PPP1CC: variants seen among roughly 807,000 people sequenced by gnomAD.
PPP1CC encodes protein phosphatase 1 catalytic subunit gamma.
In PPP1CC, 16 loss-of-function variants were observed where a neutral mutation model predicts 38.4. The observed-to-expected ratio is 0.42, with a 90% confidence interval of 0.28 to 0.63. The LOEUF is 0.63. PPP1CC is among the 30% of genes least tolerant of loss of function. The pLI is 0.25. For missense variants in PPP1CC, 170 were observed against 391.3 expected, an observed-to-expected ratio of 0.43 and a Z score of 4.77; for synonymous variants, 158 against 136.0, an observed-to-expected ratio of 1.16 and a Z score of -1.13.
chr12:110,740,086 T>C (rs1387551590), intron 1 of PPP1CC, among the ~76,000 whole-genome samples: 1 of 152,158 alleles, frequency 6.6e-6, no homozygotes, highest in African/African-American at 2.4e-5. Context: ...CAACATGCTG[T>C]TTTTCTTAAG....
At chr12:110,737,497 A>AAAAAAAAAAAAAAAAAAAG (rs2069959460) in intron 1 of PPP1CC, among the ~76,000 whole-genome samples, 2 of 147,622 alleles carry the variant, frequency 1.4e-5, no homozygotes, top group African/African-American at 5.2e-5. Context: ...AAAAAAAAAA[A>AAAAAAAAAAAAAAAAAAAG]AAAAGAAAAG....
At chr12:110,716,137 T>C (rs1448011264), downstream of PPP1CC, among the ~76,000 whole-genome samples, 1 of 152,212 alleles carries the variant, frequency 6.6e-6, no homozygotes, top group Non-Finnish European at 1.5e-5. Flanking sequence ...TTGATGCCAG[T>C]GCCTTTACAC....
intron 4 of PPP1CC, among the ~76,000 whole-genome samples, chr12:110,723,496 C>T (rs2069762036): frequency 6.6e-6 from 1 of 152,126 alleles, no homozygotes; most frequent in Admixed American, 6.5e-5. Context: ...CAAAGCAAAA[C>T]AGCTTATAAC....
the PPP1CC span, among the ~76,000 whole-genome samples, chr12:110,712,943 T>G: frequency 6.6e-6 from 1 of 151,680 alleles, no homozygotes; most frequent in African/African-American, 2.4e-5. Context: ...CGTGGTGGCA[T>G]ATGCCTATAA....
In PPP1CC at chr12:110,720,458, A is replaced by T. The variant is rs2136536312; in HGVS notation, c.*618T>A. On this transcript the variant is annotated 3_prime_UTR_variant, in exon 7 of 7. Transcript: ENST00000335007. ...AAATATTTAAAAGAATGGCTTTGTC[A>T]TTTTAAGTATACGGTCGGGGAAAAG... 1 of 446,092 alleles carries T rather than the reference A, an allele frequency of 2.2e-6. No homozygotes were observed. The highest frequency in any genetic ancestry group is 3.9e-5 in the East Asian group (1 of 25,846). The allele number at this position is 446,092 out of a possible 1,614,324, so 27.6% of individuals were successfully genotyped here. A position where few individuals can be genotyped will look rare whatever the true frequency, so the allele number is the denominator to read the frequency against.
intron 1 of PPP1CC, among the ~76,000 whole-genome samples, chr12:110,738,713 C>T (rs926977734): frequency 1.5e-4 from 23 of 152,206 alleles, no homozygotes; most frequent in African/African-American, 4.6e-4. Flanking sequence ...TCACATCCCC[C>T]GCAAGCACAA....
downstream of PPP1CC, among the ~76,000 whole-genome samples, chr12:110,717,832 C>T (rs920620402): frequency 6.6e-6 from 1 of 152,208 alleles, no homozygotes; most frequent in Non-Finnish European, 1.5e-5. Context: ...GATTACATGG[C>T]CCTTGTCTCC....
At position 110,730,874 on chromosome 12, in the gene PPP1CC, A is replaced by G; in HGVS notation, c.188-115T>C. On this transcript the variant is annotated intron_variant, in intron 2 of 6. Transcript: ENST00000335007. ...TTGTACAATGGCATTGACCTCTAGT[A>G]ATGAGAGTTTAACTGGGCAGCCAAC... 4.4e-6 allele frequency: 3 copies of G among 680,584 alleles called. No homozygotes were observed. The South Asian group carries it at 6.4e-5, about 14-fold the overall frequency. 42.2% of individuals were successfully genotyped at this position (680,584 alleles called of 1,614,324 possible).
At chr12:110,740,154 A>T (rs1033128485) in intron 1 of PPP1CC, among the ~76,000 whole-genome samples, 23 of 152,246 alleles carry the variant, frequency 1.5e-4, no homozygotes, top group African/African-American at 5.5e-4. Context: ...CAACTAGGTT[A>T]TACTGCTCGC....
chr12:110,732,171 T>C, intron 1 of PPP1CC: 1 of 523,024 alleles, frequency 1.9e-6, no homozygotes. Context: ...GAAACAGGAC[T>C]GCAGGCCAGA....
chr12:110,742,836 C>T lies in PPP1CC; in HGVS notation c.-129G>A, dbSNP rs985953726. On this transcript the variant is annotated 5_prime_UTR_variant, in exon 1 of 7. Transcript: ENST00000335007. ...GTGGCAGCAGCCGCGGCGGGTCCCC[C>T]CCCTGCCACCCCGCTCCCTACTTCC... 8.6e-6 allele frequency: 5 copies of T among 583,396 alleles called. No individual in the cohort carries two copies. Among genetic ancestry groups the T allele is most frequent in the Non-Finnish European group, 1.3e-5 (5 of 379,704 alleles). The allele number at this position is 583,396 out of a possible 1,614,324, so 36.1% of individuals were successfully genotyped here.
chr12:110,709,124 C>T, the PPP1CC span, among the ~76,000 whole-genome samples: 1 of 152,056 alleles, frequency 6.6e-6, no homozygotes, highest in African/African-American at 2.4e-5. Context: ...AATGGCAAAA[C>T]CCCCCACAAA....
At position 110,731,758 on chromosome 12, in the gene PPP1CC, C is replaced by T. The variant is rs752856300; in HGVS notation, c.187+12G>A. 1.2e-6 allele frequency: 2 copies of T among 1,603,542 alleles called. No homozygotes were observed. The highest frequency in any genetic ancestry group is 1.7e-5 in the Admixed American group (1 of 59,684). ...CATGTAACAAAAGATAACCTGTGTG[C>T]CCCAAACTTACCACATATTTTGAGT... is the stretch of plus-strand genomic sequence containing the variant. On this transcript the variant is annotated intron_variant, in intron 2 of 6. Transcript: ENST00000335007.
In PPP1CC at chr12:110,720,415, G is replaced by A. The variant is rs1593570938; in HGVS notation, c.*661C>T. The A allele has an allele frequency of 6.3e-6, 3 of 474,900 alleles. No homozygotes were observed. In the East Asian group the frequency reaches 1.0e-4, roughly 16 times the overall value. The allele number at this position is 474,900 out of a possible 1,614,324, so 29.4% of individuals were successfully genotyped here. A position where few individuals can be genotyped will look rare whatever the true frequency, so the allele number is the denominator to read the frequency against. On this transcript the variant is annotated 3_prime_UTR_variant, in exon 7 of 7. Transcript: ENST00000335007. ...AAAACATAATTCAACAGAAACTTTGGCTTTAGGAAAGAGTCACAAATATTT... is the reference window on the plus strand; with the variant it reads ...AAAACATAATTCAACAGAAACTTTGACTTTAGGAAAGAGTCACAAATATTT...
At chr12:110,715,722 G>A (rs1034700740), downstream of PPP1CC, among the ~76,000 whole-genome samples, 3 of 152,020 alleles carry the variant, frequency 2.0e-5, no homozygotes, top group East Asian at 1.9e-4. Context: ...GGGTTCAAGC[G>A]ATTCTCCTGC....
chr12:110,738,925 A>G (rs909488943), intron 1 of PPP1CC, among the ~76,000 whole-genome samples: 2 of 152,188 alleles, frequency 1.3e-5, no homozygotes, highest in African/African-American at 4.8e-5. Context: ...CAACATACTG[A>G]TGGGAAAGGA....
At chr12:110,712,965 T>C in the PPP1CC span, among the ~76,000 whole-genome samples, 1 of 151,690 alleles carries the variant, frequency 6.6e-6, no homozygotes, top group Non-Finnish European at 1.5e-5. Context: ...CCCAGCTACT[T>C]GGGAGGCTGA....
chr12:110,714,096 C>T, the PPP1CC span, among the ~76,000 whole-genome samples: 2 of 152,196 alleles, frequency 1.3e-5, no homozygotes, highest in Admixed American at 6.5e-5. Flanking sequence ...AAGACTACAA[C>T]TCAAAAACAA....
chr12:110,737,156 A>G (rs1180823131), intron 1 of PPP1CC, among the ~76,000 whole-genome samples: 1 of 152,224 alleles, frequency 6.6e-6, no homozygotes, highest in East Asian at 1.9e-4. Flanking sequence ...TCTTTTCTGC[A>G]AAAAGTATAA....
Sources: gnomAD v4.1 joint callset for allele counts (sites outside exome capture counted in the v4.1 genomes callset) on GRCh38, gnomAD v4.1.1 for gene constraint, MANE v1.5 for transcripts, NCBI Gene and HGNC (gene_info 2026-07-23, HGNC 2026-07-21) for gene names.